The following ZNF713 variants were observed in gnomAD, a reference collection of about 807,000 sequenced individuals.
The protein encoded by ZNF713 is zinc finger protein 713.
In ZNF713, 21 loss-of-function variants were observed where a neutral mutation model predicts 28.7. That is an observed-to-expected ratio of 0.73 (90% CI 0.52 to 1.05). The LOEUF is 1.05. Ranked by LOEUF, ZNF713 falls within the 50% of genes least tolerant of loss-of-function variation. The pLI is 0.00. For synonymous variants in ZNF713, 167 were observed against 178.0 expected (o/e 0.94, Z 0.49); for missense variants, 458 against 532.4 (o/e 0.86, Z 1.37).
chr7:55,930,780 A>G (rs1165715075), intron 6 of ZNF713, among the ~76,000 whole-genome samples: 2 of 151,942 alleles, frequency 1.3e-5, no homozygotes, highest in Admixed American at 1.3e-4. Flanking sequence ...CAACCAAAAA[A>G]CCATTGTCTG....
At chr7:55,895,056 GC>G (rs1785448566) in intron 1 of ZNF713, among the ~76,000 whole-genome samples, 1 of 152,016 alleles carries the variant, frequency 6.6e-6, no homozygotes, top group South Asian at 2.1e-4. Context: ...TTTAATATTT[GC>G]CAAAAAGTAA....
In ZNF713 at chr7:55,912,668, A is replaced by C; in HGVS notation, c.32A>C (p.Glu11Ala). MPSQNAVFSQ[E>A]GNMEEEEMND... ...TCTCAGAATGCTGTTTTTTCTCAGG[A>C]GGGGAACATGGAGGAGGAAGAAATG... is the stretch of plus-strand genomic sequence containing the variant. Residue 11 changes from glutamate to alanine, a missense_variant, in exon 4 of 7, where the codon GAG becomes GCG. Physicochemically the swap from Glu to Ala is moderately radical, Grantham distance 107. Coordinates refer to ENST00000429591, the MANE Select transcript of ZNF713 (RefSeq NM_182633.3). The C allele has an allele frequency of 6.2e-7, 1 of 1,613,512 alleles. No individual in the cohort carries two copies. The highest frequency in any genetic ancestry group is 8.5e-7 in the Non-Finnish European group (1 of 1,179,814).
chr7:55,902,170 G>A (rs1785592525), intron 1 of ZNF713, among the ~76,000 whole-genome samples: 1 of 152,052 alleles, frequency 6.6e-6, no homozygotes, highest in Admixed American at 6.6e-5. Context: ...CAGCCTGGGT[G>A]ACAGAGTGAG....
intron 3 of ZNF713, 56 bp downstream of exon 3, chr7:55,912,124 A>T (rs1785796188): frequency 6.6e-6 from 1 of 152,522 alleles, no homozygotes. Context: ...TGGAAGGATC[A>T]CCTTAGGGGA....
At chr7:55,907,179 A>G (rs1029767835) in intron 2 of ZNF713, among the ~76,000 whole-genome samples, 3 of 151,892 alleles carry the variant, frequency 2.0e-5, no homozygotes, top group Admixed American at 6.6e-5. Context: ...AAAATGTAAA[A>G]CTTCATTGGC....
chr7:55,919,586 A>G (rs1584310868), intron 4 of ZNF713, among the ~76,000 whole-genome samples: 1 of 136,676 alleles, frequency 7.3e-6, no homozygotes, highest in African/African-American at 2.8e-5. Context: ...GCTCACTGCA[A>G]CCTCCACCTC....
chr7:55,927,915 A>AAAAAAAC (rs1562746758), intron 6 of ZNF713, among the ~76,000 whole-genome samples: 1 of 148,020 alleles, frequency 6.8e-6, no homozygotes, highest in African/African-American at 2.5e-5. Flanking sequence ...AAAAAAAAAA[A>AAAAAAAC]AAAAAGCCAC....
In ZNF713 at chr7:55,887,865, C is replaced by CGGCG. The variant is rs1554334673; in HGVS notation, c.-583+187_-583+190dup. 5.6e-3 allele frequency among the ~76,000 whole-genome samples: 49 copies of CGGCG among 8,804 alleles called. 12 individuals carry two copies. Among genetic ancestry groups the CGGCG allele is most frequent in the Non-Finnish European group, 9.6e-3 (41 of 4,260 alleles). The allele number at this position is 8,804 out of a possible 152,430, so 5.8% of individuals were successfully genotyped here. A position where few individuals can be genotyped will look rare whatever the true frequency, so the allele number is the denominator to read the frequency against. On this transcript the variant is annotated intron_variant, in intron 1 of 6. Transcript: ENST00000429591. ...GGCGGCGGCGGCGGCGGGCGGCGGG[C>CGGCG]GGCGGCGGCGGCGGCGGCGGCGGGC...
chr7:55,934,554 G>C (rs12668567), intron 6 of ZNF713, among the ~76,000 whole-genome samples: 5 of 152,056 alleles, frequency 3.3e-5, no homozygotes, highest in Admixed American at 6.6e-5. Context: ...CCCAGGCTTA[G>C]GTACAGTGGC....
chr7:55,915,408 A>G (rs1256226307), intron 4 of ZNF713, among the ~76,000 whole-genome samples: 1 of 152,154 alleles, frequency 6.6e-6, no homozygotes, highest in African/African-American at 2.4e-5. Context: ...TTTATCAGCT[A>G]GACATCACTG....
At position 55,939,767 on chromosome 7, in the gene ZNF713, A is replaced by G; in HGVS notation, c.1093A>G (p.Thr365Ala). 1 of 1,614,228 alleles carries G rather than the reference A, an allele frequency of 6.2e-7. No individual in the cohort carries two copies. Among genetic ancestry groups the G allele is most frequent in the South Asian group, 1.1e-5 (1 of 91,088 alleles). ...CCTTACTGAACATCATAGACTTCAT[A>G]CCGGAGAGAAACCTTACGAATGTGG... The part of the protein sequence containing the change: ...TSLTEHHRLH[T>A]GEKPYECGFC... Residue 365 changes from threonine (T) to alanine (A), a missense_variant, in exon 7 of 7, where the codon ACC becomes GCC. Transcript: ENST00000429591.
intron 4 of ZNF713, among the ~76,000 whole-genome samples, chr7:55,917,263 A>G (rs1785900460): frequency 6.8e-6 from 1 of 147,384 alleles, no homozygotes; most frequent in Non-Finnish European, 1.5e-5. Flanking sequence ...CTGCATGGAA[A>G]AAAAAAAACA....
In ZNF713 at chr7:55,932,651, G is replaced by A. The variant is rs1041511771; in HGVS notation, c.308-6331G>A. ...TGTAATCCCAGCACTTTGGGAGGCCGAGGCGGGTGGATCATGAGGTCAGGA... is the reference window on the plus strand; with the variant it reads ...TGTAATCCCAGCACTTTGGGAGGCCAAGGCGGGTGGATCATGAGGTCAGGA... On this transcript the variant is annotated intron_variant, in intron 6 of 6. Transcript: ENST00000429591. Among the ~76,000 whole-genome samples the A allele has an allele frequency of 3.3e-5, 5 of 151,660 alleles. No homozygotes were observed. In the East Asian group the frequency reaches 5.8e-4, roughly 18 times the overall value.
intron 1 of ZNF713, among the ~76,000 whole-genome samples, chr7:55,899,672 A>C (rs1785538341): frequency 6.6e-6 from 1 of 152,024 alleles, no homozygotes; most frequent in South Asian, 2.1e-4. Flanking sequence ...ACTCCATCTC[A>C]AAAAAATAAA....
chr7:55,916,059 G>A (rs2088638495), intron 4 of ZNF713, among the ~76,000 whole-genome samples: 1 of 152,078 alleles, frequency 6.6e-6, no homozygotes, highest in African/African-American at 2.4e-5. Flanking sequence ...TTAGCTAAGG[G>A]GTAAAAGCAA....
chr7:55,904,082 G>GCCAGACTGTATCTTTAAAAAAAAAAA lies in ZNF713; in HGVS notation c.-582-2171_-582-2170insCCAGACTGTATCTTTAAAAAAAAAAA. Reference sequence around the variant, plus strand: ...ATAAAAGGCAGGCAAAGGAAAAAGAGACTAGATCACAGCTCCCTGAGAGAG... The same window carrying GCCAGACTGTATCTTTAAAAAAAAAAA: ...ATAAAAGGCAGGCAAAGGAAAAAGAGCCAGACTGTATCTTTAAAAAAAAAAAACTAGATCACAGCTCCCTGAGAGAG... On this transcript the variant is annotated intron_variant, in intron 1 of 6. Transcript: ENST00000429591. Among the ~76,000 whole-genome samples, 105 of 126,658 alleles carry GCCAGACTGTATCTTTAAAAAAAAAAA rather than the reference G, an allele frequency of 8.3e-4. 5 individuals carry two copies. The highest frequency in any genetic ancestry group is 9.2e-4 in the South Asian group (4 of 4,338). The allele number at this position is 126,658 out of a possible 152,430, so 83.1% of individuals were successfully genotyped here. A position where few individuals can be genotyped will look rare whatever the true frequency, so the allele number is the denominator to read the frequency against.
intron 6 of ZNF713, among the ~76,000 whole-genome samples, chr7:55,931,920 A>G (rs905773487): frequency 2.6e-5 from 4 of 152,200 alleles, no homozygotes; most frequent in South Asian, 4.1e-4. Context: ...AACCAGGTCC[A>G]CAGGCTGCAG....
chr7:55,937,663 G>T (rs1398506221), intron 6 of ZNF713, among the ~76,000 whole-genome samples: 1 of 152,028 alleles, frequency 6.6e-6, no homozygotes, highest in Non-Finnish European at 1.5e-5. Context: ...GCAACTTTGG[G>T]AAGCCAAGGC....
chr7:55,894,210 C>G (rs1047204943), intron 1 of ZNF713, among the ~76,000 whole-genome samples: 1 of 152,196 alleles, frequency 6.6e-6, no homozygotes, highest in African/African-American at 2.4e-5. Context: ...CAAAGACACT[C>G]TTAACTGGCA....
Sources: allele counts gnomAD v4.1 joint callset (sites outside exome capture counted in the v4.1 genomes callset), GRCh38; gene constraint gnomAD v4.1.1; transcripts MANE v1.5; gene names NCBI Gene and HGNC (gene_info 2026-07-23, HGNC 2026-07-21).